MYH11: variants seen among roughly 807,000 people sequenced by gnomAD.
The protein encoded by MYH11 is myosin heavy chain 11.
In MYH11, 80 loss-of-function variants were observed where a neutral mutation model predicts 246.6. That is an observed-to-expected ratio of 0.32 (90% CI 0.27 to 0.39). The LOEUF is 0.39. Ranked by LOEUF, MYH11 falls within the 10% of genes least tolerant of loss-of-function variation. The pLI is 1.00. For missense variants in MYH11, 2,158 were observed against 2,546.8 expected (o/e 0.85, Z 3.29); for synonymous variants, 1,071 against 1,015.5 (o/e 1.05, Z -1.04).
intron 9 of MYH11, among the ~76,000 whole-genome samples, chr16:15,769,851 G>C (rs754527395): frequency 6.6e-5 from 10 of 151,488 alleles, no homozygotes; most frequent in Admixed American, 1.3e-4. Flanking sequence ...TGTAGAGACA[G>C]AGTCTCACTG....
chr16:15,759,238 G>C (rs576476350), intron 12 of MYH11, among the ~76,000 whole-genome samples: 22 of 145,190 alleles, frequency 1.5e-4, no homozygotes, highest in Non-Finnish European at 2.8e-4. Context: ...CTGAGAGGCA[G>C]TCTGGAGCTG....
At chr16:15,719,445 G>A in intron 35 of MYH11, 137 bp from the exon 36 acceptor site, 1 of 1,481,018 alleles carries the variant, frequency 6.8e-7, no homozygotes, top group South Asian at 1.1e-5. Flanking sequence ...AATACATAGA[G>A]GAGGGAAGCG....
At chr16:15,797,704 T>C (rs1479446358) in intron 4 of MYH11, among the ~76,000 whole-genome samples, 1 of 151,956 alleles carries the variant, frequency 6.6e-6, no homozygotes, top group Non-Finnish European at 1.5e-5. Flanking sequence ...CATGGCACTT[T>C]TGTAGTCATT....
At chr16:15,760,033 G>C (rs1208912537) in intron 11 of MYH11, among the ~76,000 whole-genome samples, 1 of 152,160 alleles carries the variant, frequency 6.6e-6, no homozygotes, top group Non-Finnish European at 1.5e-5. Context: ...GGAGGCAGAG[G>C]CTACAGTGAG....
At position 15,757,909 on chromosome 16, in the gene MYH11, T is replaced by A. The variant is rs2041772436; in HGVS notation, c.1493A>T (p.Glu498Val). Reference sequence around the variant, plus strand: ...CCACTCGATGCCCTCGCGCTGGTACTCCTCCTGCTCCAGGATGAACATGGT... The same window carrying A: ...CCACTCGATGCCCTCGCGCTGGTACACCTCCTGCTCCAGGATGAACATGGT... ...NHTMFILEQEEYQREGIEWNF... is the reference protein window; with the variant it reads ...NHTMFILEQEVYQREGIEWNF... Residue 498 changes from glutamate to valine, a missense_variant, in exon 13 of 41, where the codon GAG (glutamate) becomes GTG (valine). By Grantham distance (121) the Glu-to-Val change is moderately radical. Transcript: ENST00000300036. 1 of 1,614,178 alleles carries A rather than the reference T, an allele frequency of 6.2e-7. No individual in the cohort carries two copies. Among genetic ancestry groups the A allele is most frequent in the Non-Finnish European group, 8.5e-7 (1 of 1,180,032 alleles).
intron 10 of MYH11, among the ~76,000 whole-genome samples, chr16:15,761,539 CA>C (rs1383610121): frequency 2.0e-5 from 3 of 152,018 alleles, no homozygotes. Flanking sequence ...TTTGCAATAG[CA>C]AAATGCTAGA....
chr16:15,765,852 T>A (rs955464560), intron 9 of MYH11, among the ~76,000 whole-genome samples: 1 of 152,216 alleles, frequency 6.6e-6, no homozygotes, highest in Non-Finnish European at 1.5e-5. Flanking sequence ...TTGTAAACTA[T>A]GAAGAGTTGC....
rs759308680 is a variant in MYH11, at chr16:15,720,134, C to G, written c.4953+17G>C. 7 of 1,614,144 alleles carry G rather than the reference C, an allele frequency of 4.3e-6. No individual in the cohort carries two copies. The highest frequency in any genetic ancestry group is 5.9e-6 in the Non-Finnish European group (7 of 1,180,030). ...GCCCTCCCTCCACCCATGCCCCAAGCTCCTAGTGTCACCCACCTGCAGTTT... is the reference window on the plus strand; with the variant it reads ...GCCCTCCCTCCACCCATGCCCCAAGGTCCTAGTGTCACCCACCTGCAGTTT... On this transcript the variant is annotated intron_variant, in intron 34 of 40. Transcript: ENST00000300036.
intron 3 of MYH11, among the ~76,000 whole-genome samples, chr16:15,801,534 A>AG (rs2042886050): frequency 6.6e-6 from 1 of 151,540 alleles, no homozygotes; most frequent in Non-Finnish European, 1.5e-5. Flanking sequence ...TGATAGACAT[A>AG]CCCCTTGTCC....
chr16:15,718,320 G>A lies in MYH11; in HGVS notation c.5290C>T (p.Gln1764Ter). The A allele has an allele frequency of 6.2e-7, 1 of 1,609,148 alleles. No homozygotes were observed. Among genetic ancestry groups the A allele is most frequent in the Non-Finnish European group, 8.5e-7 (1 of 1,179,986 alleles). ...AMSDRVRKATQQAEQLSNELA... is the reference protein window; with the variant it reads ...AMSDRVRKAT ...GGTGTCCAGGCGGCCCTCACCTGCT[G>A]TGTGGCTTTGCGGACCCGGTCGCTC... Residue 1764 changes from glutamine to a stop codon, truncating the protein, a stop_gained, in exon 37 of 41, where the codon CAG becomes TAG. Transcript: ENST00000300036. LOFTEE classifies it high-confidence loss of function.
At chr16:15,835,620 T>A (rs1227469201) in intron 2 of MYH11, among the ~76,000 whole-genome samples, 1 of 152,126 alleles carries the variant, frequency 6.6e-6, no homozygotes, top group Non-Finnish European at 1.5e-5. Context: ...AAATCAAAAG[T>A]GATCATGACC....
intron 5 of MYH11, chr16:15,785,918 G>A: frequency 6.1e-6 from 1 of 164,500 alleles, no homozygotes; most frequent in Admixed American, 5.6e-5. Flanking sequence ...GCTCAGAGAA[G>A]AGAATAACAG....
At chr16:15,720,342 C>G (rs2040401218) in intron 33 of MYH11, 30 bp from the exon 34 acceptor site, 2 of 1,606,584 alleles carry the variant, frequency 1.2e-6, no homozygotes, top group Non-Finnish European at 1.7e-6. Flanking sequence ...GTGTGCTGCC[C>G]CACTTGCCCC....
intron 4 of MYH11, 60 bp downstream of exon 4, chr16:15,798,600 C>G: frequency 7.1e-7 from 1 of 1,410,070 alleles, no homozygotes; most frequent in South Asian, 1.3e-5. Flanking sequence ...TGGATCTCGA[C>G]TACAGATTAA....
intron 3 of MYH11, among the ~76,000 whole-genome samples, 198 bp downstream of exon 3, chr16:15,823,057 T>C (rs1230435872): frequency 1.3e-5 from 2 of 152,272 alleles, no homozygotes; most frequent in East Asian, 3.8e-4. Flanking sequence ...TGCCCGTATT[T>C]GCCCAAGCTC....
chr16:15,845,708 G>C (rs2044171113), intron 1 of MYH11, among the ~76,000 whole-genome samples: 2 of 102,846 alleles, frequency 1.9e-5, no homozygotes, highest in Admixed American at 1.9e-4. Context: ...GTGTGTGTGT[G>C]AGAGAGAGAG....
intron 38 of MYH11, among the ~76,000 whole-genome samples, chr16:15,716,805 C>G (rs559309236): frequency 6.6e-6 from 1 of 152,184 alleles, no homozygotes; most frequent in Non-Finnish European, 1.5e-5. Flanking sequence ...TGAGCCACCA[C>G]GTCCAGCCTG....
At chr16:15,794,829 G>C (rs2042705765) in intron 4 of MYH11, among the ~76,000 whole-genome samples, 1 of 152,236 alleles carries the variant, frequency 6.6e-6, no homozygotes, top group Non-Finnish European at 1.5e-5. Flanking sequence ...GTATGAGACA[G>C]AATGGCTCCC....
At chr16:15,850,199 A>G (rs1189398026) in intron 1 of MYH11, among the ~76,000 whole-genome samples, 1 of 152,186 alleles carries the variant, frequency 6.6e-6, no homozygotes, top group Non-Finnish European at 1.5e-5. Flanking sequence ...AGCCTGGCCA[A>G]CATGGTGAAA....
Sources: allele counts gnomAD v4.1 joint callset (sites outside exome capture counted in the v4.1 genomes callset), GRCh38; gene constraint gnomAD v4.1.1; transcripts MANE v1.5; gene names NCBI Gene and HGNC (gene_info 2026-07-23, HGNC 2026-07-21).